FANCL: variants seen among roughly 807,000 people sequenced by gnomAD.
FANCL encodes the protein FA complementation group L.
In FANCL, 69 loss-of-function variants were observed where a neutral mutation model predicts 59.4. The ratio of observed to expected loss-of-function variants is 1.16; its 90% CI spans 0.96 to 1.42. The LOEUF (loss-of-function observed/expected upper bound fraction) is 1.42. Among genes scored for constraint, FANCL ranks in the 40% most tolerant of loss-of-function variants. FANCL has a pLI of 0.00. For missense variants in FANCL, 519 were observed against 447.2 expected, an observed-to-expected ratio of 1.16 and a Z score of -1.45; for synonymous variants, 180 against 147.1, an observed-to-expected ratio of 1.22 and a Z score of -1.62.
At chr2:58,198,845 G>T (rs560516342) in intron 6 of FANCL, among the ~76,000 whole-genome samples, 183 bp from the exon 7 acceptor site, 4 of 151,896 alleles carry the variant, frequency 2.6e-5, no homozygotes, top group Admixed American at 6.6e-5. Flanking sequence ...CTGGCTATAC[G>T]GTGAAACCTC....
Position 58,160,149 on chromosome 2 carries a change from T to C in FANCL, c.1051A>G (p.Ser351Gly). 2 of 1,612,856 alleles carry C rather than the reference T, an allele frequency of 1.2e-6. No homozygotes were observed. Among genetic ancestry groups the C allele is most frequent in the Non-Finnish European group, 1.7e-6 (2 of 1,179,090 alleles). The change falls in exon 13 of 14, where the codon AGT becomes GGT. Residue 351 changes from serine (S) to glycine (G), a missense_variant. Physicochemically the swap from Ser to Gly is moderately conservative, Grantham distance 56 (BLOSUM62 0). Transcript: ENST00000233741. ...CATTCACCAAATATGATGTTAAAACTCTGTCTACTAGTTAGTAGTCCTCTC... is the reference window on the plus strand; with the variant it reads ...CATTCACCAAATATGATGTTAAAACCCTGTCTACTAGTTAGTAGTCCTCTC... Reference protein sequence around the residue: ...WLRGLLTSRQSFNIIFGECPY... With the variant: ...WLRGLLTSRQGFNIIFGECPY...
intron 2 of FANCL, among the ~76,000 whole-genome samples, chr2:58,231,426 T>A (rs1363410318): frequency 6.6e-6 from 1 of 152,206 alleles, no homozygotes; most frequent in African/African-American, 2.4e-5. Context: ...CTTCTCTAGC[T>A]TAGAGATCTG....
intron 7 of FANCL, among the ~76,000 whole-genome samples, chr2:58,195,008 A>G (rs1689295607): frequency 6.6e-6 from 1 of 152,110 alleles, no homozygotes; most frequent in African/African-American, 2.4e-5. Flanking sequence ...AAAAGCAGAA[A>G]GGGATTTTTA....
intron 12 of FANCL, among the ~76,000 whole-genome samples, chr2:58,160,772 G>A (rs1204415190): frequency 6.6e-6 from 1 of 151,946 alleles, no homozygotes; most frequent in Non-Finnish European, 1.5e-5. Context: ...TTTTATATAA[G>A]GTAAATAGAT....
chr2:58,212,048 C>T (rs1016735159), intron 5 of FANCL, among the ~76,000 whole-genome samples: 1 of 152,218 alleles, frequency 6.6e-6, no homozygotes, highest in African/African-American at 2.4e-5. Flanking sequence ...CCCCACTCTA[C>T]TGGTACCAAT....
intron 1 of FANCL, among the ~76,000 whole-genome samples, chr2:58,232,743 A>T (rs1357659872): frequency 6.6e-6 from 1 of 152,048 alleles, no homozygotes; most frequent in African/African-American, 2.4e-5. Flanking sequence ...CTAAGAGAAG[A>T]AAGACCTCTG....
chr2:58,197,280 A>G (rs956807312), intron 7 of FANCL, among the ~76,000 whole-genome samples: 4 of 151,878 alleles, frequency 2.6e-5, no homozygotes, highest in South Asian at 2.1e-4. Context: ...TTTTTTTACT[A>G]ATTTCTTATA....
At chr2:58,229,751 G>T in intron 3 of FANCL, 63 bp downstream of exon 3, 1 of 1,247,036 alleles carries the variant, frequency 8.0e-7, no homozygotes, top group Non-Finnish European at 1.2e-6. Context: ...GGTCTTTAAA[G>T]AACAATAAAT....
At chr2:58,162,779 T>A (rs1436149193) in intron 11 of FANCL, 87 bp downstream of exon 11, 1 of 1,207,832 alleles carries the variant, frequency 8.3e-7, no homozygotes, top group African/African-American at 1.5e-5. Flanking sequence ...AATTCCCTCC[T>A]TTTTCAGCCT....
intron 5 of FANCL, among the ~76,000 whole-genome samples, chr2:58,213,983 C>T (rs1691451233): frequency 1.3e-5 from 2 of 152,202 alleles, no homozygotes; most frequent in South Asian, 4.1e-4. Context: ...GCATCATTCA[C>T]ACAGAATGCC....
intron 7 of FANCL, among the ~76,000 whole-genome samples, chr2:58,188,741 T>C (rs1436461647): frequency 6.6e-6 from 1 of 150,974 alleles, no homozygotes; most frequent in East Asian, 1.9e-4. Context: ...CGACCAGCCA[T>C]AATTTTGTCA....
At chr2:58,219,158 AAAAAAAAAAAAAAAT>A (rs1411764438) in intron 5 of FANCL, among the ~76,000 whole-genome samples, 3 of 97,818 alleles carry the variant, frequency 3.1e-5, no homozygotes, top group African/African-American at 1.2e-4. Flanking sequence ...AAAAAAAAAA[AAAAAAAAAAAAAAAT>A]ATATATATAT....
intron 4 of FANCL, among the ~76,000 whole-genome samples, chr2:58,222,886 C>T (rs998597822): frequency 2.6e-5 from 4 of 151,564 alleles, no homozygotes; most frequent in Admixed American, 6.6e-5. Flanking sequence ...CAATAAATAA[C>T]GAAAGTAGAT....
intron 6 of FANCL, among the ~76,000 whole-genome samples, chr2:58,202,109 T>C (rs1431900011): frequency 6.6e-6 from 1 of 151,462 alleles, no homozygotes; most frequent in Non-Finnish European, 1.5e-5. Context: ...TTCCCTAAAA[T>C]TTTTGTTTCC....
At chr2:58,212,061 A>G (rs1388315630) in intron 5 of FANCL, among the ~76,000 whole-genome samples, 1 of 152,122 alleles carries the variant, frequency 6.6e-6, no homozygotes, top group African/African-American at 2.4e-5. Flanking sequence ...GTACCAATTT[A>G]CTGTATTAGT....
At position 58,190,944 on chromosome 2, in the gene FANCL, G is replaced by T. The variant is rs369755920; in HGVS notation, c.540+7650C>A. Among the ~76,000 whole-genome samples, 20 of 151,918 alleles carry T rather than the reference G, an allele frequency of 1.3e-4. 1 individual carries two copies. Among genetic ancestry groups the T allele is most frequent in the African/African-American group, 4.8e-4 (20 of 41,530 alleles). On this transcript the variant is annotated intron_variant, in intron 7 of 13. Coordinates refer to ENST00000233741, the MANE Select transcript of FANCL (RefSeq NM_018062.4). ...TAACATTTCTTAGTGATGCTAGGAG[G>T]TCATATTTGAATTAACACTTTTTGT... is the stretch of plus-strand genomic sequence containing the variant.
At chr2:58,171,802 G>T (rs1686653886) in intron 7 of FANCL, among the ~76,000 whole-genome samples, 1 of 152,202 alleles carries the variant, frequency 6.6e-6, no homozygotes, top group African/African-American at 2.4e-5. Flanking sequence ...GCAGGACGAG[G>T]CACTGCCTCC....
intron 4 of FANCL, among the ~76,000 whole-genome samples, chr2:58,222,316 T>TAA (rs35172654): frequency 3.2e-4 from 49 of 150,976 alleles, no homozygotes; most frequent in East Asian, 7.8e-4. Context: ...CTATCGGAGA[T>TAA]AAAAAAAAAA....
At chr2:58,176,637 G>T (rs1486128143) in intron 7 of FANCL, among the ~76,000 whole-genome samples, 1 of 152,118 alleles carries the variant, frequency 6.6e-6, no homozygotes, top group African/African-American at 2.4e-5. Context: ...ATTCAAGATG[G>T]ATTAAAGACT....
Sources: allele counts gnomAD v4.1 joint callset (sites outside exome capture counted in the v4.1 genomes callset), GRCh38; gene constraint gnomAD v4.1.1; transcripts MANE v1.5; gene names NCBI Gene and HGNC (gene_info 2026-07-23, HGNC 2026-07-21).